Variants in PFKFB4 observed in about 807,000 individuals in gnomAD.
The protein encoded by PFKFB4 is 6-phosphofructo-2-kinase/fructose-2,6-bisphosphatase 4.
PFKFB4 carries 42 observed loss-of-function variants against 62.8 expected under a neutral mutation model. The ratio of observed to expected loss-of-function variants is 0.67; its 90% CI spans 0.52 to 0.86. The LOEUF (loss-of-function observed/expected upper bound fraction) is 0.86. PFKFB4 is among the 40% of genes least tolerant of loss of function. The pLI, the probability that PFKFB4 is intolerant of heterozygous loss-of-function variation, is 0.00. For missense variants in PFKFB4, 475 were observed against 627.2 expected, an observed-to-expected ratio of 0.76 and a Z score of 2.59; for synonymous variants, 204 against 240.7, an observed-to-expected ratio of 0.85 and a Z score of 1.41.
chr3:48,561,585 AC>A, upstream of PFKFB4: 1 of 152,878 alleles, frequency 6.5e-6, no homozygotes. The surrounding 1 kb of genome is among the most constrained non-coding windows in gnomAD (Gnocchi z 5.2). Context: ...GGTATGACTC[AC>A]CCACCATGTG....
chr3:48,551,776 C>T (rs2043164740), intron 1 of PFKFB4, among the ~76,000 whole-genome samples: 1 of 152,044 alleles, frequency 6.6e-6, no homozygotes, highest in Admixed American at 6.6e-5. Context: ...AATTCCTGAC[C>T]TCAGGTGATC....
intron 1 of PFKFB4, among the ~76,000 whole-genome samples, chr3:48,553,113 G>T (rs1434797385): frequency 6.6e-6 from 1 of 152,188 alleles, no homozygotes; most frequent in Non-Finnish European, 1.5e-5. Flanking sequence ...AAGCGGGCTG[G>T]GTGCACGGCT....
At chr3:48,548,153 C>T (rs2043021345) in intron 3 of PFKFB4, 1 of 152,174 alleles carries the variant, frequency 6.6e-6, no homozygotes, top group African/African-American at 2.4e-5. Flanking sequence ...GGGGGACAGC[C>T]AGAGTGGAAC....
chr3:48,549,646 A>C (rs2043069593), intron 3 of PFKFB4, among the ~76,000 whole-genome samples: 9 of 143,846 alleles, frequency 6.3e-5, no homozygotes, highest in Admixed American at 7.0e-5. Flanking sequence ...ATCACCTCCC[A>C]CCCCCACCAC....
intron 7 of PFKFB4, among the ~76,000 whole-genome samples, chr3:48,537,713 C>T (rs770693504): frequency 7.3e-5 from 11 of 151,536 alleles, no homozygotes; most frequent in East Asian, 1.9e-4. Flanking sequence ...TTTGTAGAGA[C>T]GGGGTTTCAC....
At position 48,539,261 on chromosome 3, in the gene PFKFB4, T is replaced by C. The variant is rs368178794; in HGVS notation, c.503A>G (p.Asn168Ser). Residue 168 changes from asparagine to serine, a missense_variant, in exon 6 of 14, where the codon AAC (asparagine) becomes AGC (serine). Asn to Ser is a conservative substitution (Grantham distance 46, BLOSUM62 1). Transcript: ENST00000232375. ...GTCAGATGCACTACTCACCACGATG[T>C]TGGCAGCTATGACCTCAGGATCCAC... ...ICVDPEVIAA[N>S]IVQVKLGSPD... 34 of 1,613,360 alleles carry C rather than the reference T, an allele frequency of 2.1e-5. 1 individual carries two copies. Among genetic ancestry groups the C allele is most frequent in the South Asian group, 1.4e-4 (13 of 91,026 alleles).
intron 9 of PFKFB4, among the ~76,000 whole-genome samples, chr3:48,532,522 T>C (rs941452601): frequency 6.6e-6 from 1 of 152,160 alleles, no homozygotes; most frequent in Non-Finnish European, 1.5e-5. Flanking sequence ...CGAAATGTGG[T>C]ATACAATAGA....
At position 48,519,684 on chromosome 3, in the gene PFKFB4, G is replaced by A; in HGVS notation, c.*63C>T. On this transcript the variant is annotated 3_prime_UTR_variant, in exon 14 of 14. Transcript: ENST00000232375. ...TGGTGACTATCACACACACTGGAGG[G>A]CCTGGAATGACCCCCTCTGCAGAGA... The A allele has an allele frequency of 8.3e-7, 1 of 1,202,090 alleles. No homozygotes were observed. The highest frequency in any genetic ancestry group is 1.5e-5 in the African/African-American group (1 of 66,982). 74.5% of individuals were successfully genotyped at this position (1,202,090 alleles called of 1,614,324 possible). A position where few individuals can be genotyped will look rare whatever the true frequency, so the allele number is the denominator to read the frequency against.
intron 13 of PFKFB4, among the ~76,000 whole-genome samples, chr3:48,520,816 A>T (rs1364524589): frequency 6.6e-6 from 1 of 152,200 alleles, no homozygotes; most frequent in Non-Finnish European, 1.5e-5. Context: ...TGGTAGGGTC[A>T]GCTCCCAAGG....
chr3:48,526,681 C>T (rs1157925528), intron 9 of PFKFB4, among the ~76,000 whole-genome samples: 1 of 151,828 alleles, frequency 6.6e-6, no homozygotes, highest in Non-Finnish European at 1.5e-5. Flanking sequence ...TGGCTCATGC[C>T]TGTAATCCCA....
chr3:48,523,780 C>T lies in PFKFB4; in HGVS notation c.1143G>A (p.Glu381=). 1 of 1,614,192 alleles carries T rather than the reference C, an allele frequency of 6.2e-7. No homozygotes were observed. Among genetic ancestry groups the T allele is most frequent in the South Asian group, 1.1e-5 (1 of 91,084 alleles). The change falls in exon 11 of 14, where the codon GAG becomes GAA. Residue 381 remains glutamate, a synonymous_variant. Transcript: ENST00000232375. The part of the protein sequence containing the change: ...QRLEPVIMEL[E]RQENVLVICH... ...AGATGACCAGCACATTCTCTTGCCT[C>T]TCCAGCTCCATGATGACAGGCTCCA...
At chr3:48,537,056 G>A (rs2042643694) in intron 7 of PFKFB4, among the ~76,000 whole-genome samples, 1 of 152,154 alleles carries the variant, frequency 6.6e-6, no homozygotes, top group African/African-American at 2.4e-5. Flanking sequence ...TGGTGCTGGT[G>A]GTGGCAGCCG....
At chr3:48,549,390 G>A (rs1210325538) in intron 3 of PFKFB4, among the ~76,000 whole-genome samples, 1 of 151,900 alleles carries the variant, frequency 6.6e-6, no homozygotes. Flanking sequence ...CCCACCCCCA[G>A]CTCCATCCCT....
intron 9 of PFKFB4, among the ~76,000 whole-genome samples, chr3:48,533,835 C>T (rs2042507851): frequency 6.6e-6 from 1 of 152,158 alleles, no homozygotes; most frequent in Non-Finnish European, 1.5e-5. Context: ...GCCTGGACAA[C>T]AGGAGCAAAC....
At chr3:48,554,048 C>T (rs2267844) in intron 1 of PFKFB4, among the ~76,000 whole-genome samples, 105,937 of 152,004 alleles carry the variant, frequency 0.7, 38,438 homozygotes, top group African/African-American at 0.91. Context: ...TTTTATCAAG[C>T]GGGGGCGTGC....
chr3:48,545,636 GTT>G (rs371126898), intron 3 of PFKFB4, among the ~76,000 whole-genome samples: 1 of 141,816 alleles, frequency 7.1e-6, no homozygotes, highest in Non-Finnish European at 1.6e-5. Flanking sequence ...TCTTTCTTTT[GTT>G]TTTTTTTTTT....
At chr3:48,526,572 CAAA>C (rs1427105726) in intron 9 of PFKFB4, among the ~76,000 whole-genome samples, 6 of 77,982 alleles carry the variant, frequency 7.7e-5, no homozygotes, top group Non-Finnish European at 5.8e-5. Flanking sequence ...GACTCTGTCT[CAAA>C]AAAAAAAAAA....
intron 3 of PFKFB4, 122 bp from the exon 4 acceptor site, chr3:48,543,768 CT>C: frequency 1.4e-6 from 1 of 739,026 alleles, no homozygotes; most frequent in South Asian, 1.5e-5. Flanking sequence ...CTCTTGCTCT[CT>C]TTTCAAAGTT....
Position 48,519,941 on chromosome 3 carries a change from C to A in PFKFB4, c.1351-135G>T, listed in dbSNP as rs1411338210. The A allele has an allele frequency of 4.5e-6, 3 of 660,616 alleles. No individual in the cohort carries two copies. In the Admixed American group the frequency reaches 7.1e-5, roughly 16 times the overall value. The allele number at this position is 660,616 out of a possible 1,614,324, so 40.9% of individuals were successfully genotyped here. A position where few individuals can be genotyped will look rare whatever the true frequency, so the allele number is the denominator to read the frequency against. Reference sequence around the variant, plus strand: ...CAGCCACAGCCGCAAGACTCTAGACCACAAGCTTCCCTAAGAATACATGGC... The same window carrying A: ...CAGCCACAGCCGCAAGACTCTAGACAACAAGCTTCCCTAAGAATACATGGC... On this transcript the variant is annotated intron_variant, in intron 13 of 13. Transcript: ENST00000232375.
Sources: gnomAD v4.1 joint callset for allele counts (sites outside exome capture counted in the v4.1 genomes callset) on GRCh38, gnomAD v4.1.1 for gene constraint, Gnocchi (gnomAD v3.1) non-coding constraint, MANE v1.5 for transcripts, NCBI Gene and HGNC (gene_info 2026-07-23, HGNC 2026-07-21) for gene names.